Variants in TLL1 observed in about 807,000 individuals in gnomAD.
TLL1 encodes tolloid like 1.
Under a neutral mutation model 128.2 loss-of-function variants are expected in TLL1, and 49 were observed. That is an observed-to-expected ratio of 0.38 (90% CI 0.30 to 0.48). TLL1 has a LOEUF of 0.48. Ranked by LOEUF, TLL1 falls within the 20% of genes least tolerant of loss-of-function variation. The probability of loss-of-function intolerance (pLI) is 0.96; values close to 1 mark genes in which losing one functional copy is unlikely to be tolerated. For synonymous variants in TLL1, 454 were observed against 418.8 expected, an observed-to-expected ratio of 1.08 and a Z score of -1.03; for missense variants, 1,123 against 1,242.0, an observed-to-expected ratio of 0.90 and a Z score of 1.44.
chr4:166,061,932 A>C (rs1340287837), intron 15 of TLL1, among the ~76,000 whole-genome samples: 1 of 152,158 alleles, frequency 6.6e-6, no homozygotes, highest in Admixed American at 6.5e-5. Context: ...AGCTTTCTAC[A>C]TATGGCTAGC....
intron 1 of TLL1, among the ~76,000 whole-genome samples, chr4:165,895,414 GTGATTTTAAGGATAAATCT>G (rs1165401516): frequency 6.6e-6 from 1 of 151,952 alleles, no homozygotes; most frequent in Admixed American, 6.6e-5. Context: ...ATTAAAATAT[GTGATTTTAAGGATAAATCT>G]TTCAAAGTAT....
chr4:165,972,140 A>G (rs565787170), intron 1 of TLL1, among the ~76,000 whole-genome samples: 3 of 152,320 alleles, frequency 2.0e-5, no homozygotes, highest in Non-Finnish European at 4.4e-5. Context: ...TCATACTTAT[A>G]TATTTTATGA....
chr4:165,875,380 T>C (rs1730680379), intron 1 of TLL1, among the ~76,000 whole-genome samples: 1 of 152,220 alleles, frequency 6.6e-6, no homozygotes, highest in African/African-American at 2.4e-5. Context: ...AAAAAGGGTA[T>C]GTGTGTTGTG....
chr4:165,902,600 G>A (rs922109800), intron 1 of TLL1, among the ~76,000 whole-genome samples: 3 of 152,062 alleles, frequency 2.0e-5, no homozygotes, highest in Admixed American at 1.3e-4. Flanking sequence ...CTTGCCTTCC[G>A]TGGGCTGCAT....
chr4:166,082,019 GT>G (rs2111146402), intron 18 of TLL1, among the ~76,000 whole-genome samples: 1 of 152,194 alleles, frequency 6.6e-6, no homozygotes, highest in Non-Finnish European at 1.5e-5. Flanking sequence ...TTCAACAATG[GT>G]CATACCTGCT....
rs140171760 is a variant in TLL1, at chr4:165,910,602, A to G, written c.169+36529A>G. ...CAAGATGTGGGGCCCTTTTGTAACT[A>G]GTGTATAGAAGACAATCTTTGCACT... On this transcript the variant is annotated intron_variant, in intron 1 of 20. Transcript: ENST00000061240. 3.9e-5 allele frequency among the ~76,000 whole-genome samples: 6 copies of G among 152,280 alleles called. No homozygotes were observed. The East Asian group carries it at 7.7e-4, about 20-fold the overall frequency.
At chr4:166,064,086 C>T (rs551824746) in intron 15 of TLL1, among the ~76,000 whole-genome samples, 2 of 151,826 alleles carry the variant, frequency 1.3e-5, no homozygotes, top group East Asian at 3.9e-4. Context: ...TTCTTTTTAA[C>T]ATTATGTGTA....
At chr4:165,993,018 A>G (rs1289062536) in intron 3 of TLL1, 134 bp downstream of exon 3, 3 of 760,688 alleles carry the variant, frequency 3.9e-6, no homozygotes, top group Non-Finnish European at 6.7e-6. Context: ...AAAACTTTTT[A>G]TTTTGCTAGC....
At chr4:165,995,764 G>C (rs1454656035) in intron 5 of TLL1, among the ~76,000 whole-genome samples, 1 of 151,924 alleles carries the variant, frequency 6.6e-6, no homozygotes, top group East Asian at 1.9e-4. Flanking sequence ...TACAAATCTA[G>C]GCTATCCTTG....
intron 12 of TLL1, among the ~76,000 whole-genome samples, chr4:166,046,704 T>C (rs1739472317): frequency 6.6e-6 from 1 of 152,166 alleles, no homozygotes; most frequent in Non-Finnish European, 1.5e-5. Flanking sequence ...ATGGTGTATA[T>C]ATAGGGCTGT....
At position 166,100,857 on chromosome 4, in the gene TLL1, C is replaced by A. The variant is rs747818508; in HGVS notation, c.3023C>A (p.Thr1008Asn). 2 of 1,612,436 alleles carry A rather than the reference C, an allele frequency of 1.2e-6. No individual in the cohort carries two copies. Among genetic ancestry groups the A allele is most frequent in the Non-Finnish European group, 1.7e-6 (2 of 1,179,218 alleles). Reference protein sequence around the residue: ...IRYKSIRYPDTTHTKK With the variant: ...IRYKSIRYPDNTHTKK ...TACAAAAGCATAAGATATCCAGATA[C>A]CACACATACCAAAAAATAACACCAA... The change falls in exon 21 of 21, where the codon ACC becomes AAC. Residue 1008 changes from threonine to asparagine, a missense_variant. By Grantham distance (65) the Thr-to-Asn change is moderately conservative (BLOSUM62 0). This residue lies in a region of TLL1 where 634 missense variants were observed against 672.4 expected (regional missense o/e 0.94). Transcript: ENST00000061240.
At chr4:165,880,309 A>G (rs753607056) in intron 1 of TLL1, among the ~76,000 whole-genome samples, 3 of 152,228 alleles carry the variant, frequency 2.0e-5, no homozygotes, top group Non-Finnish European at 2.9e-5. Flanking sequence ...GCTCAACTAC[A>G]TATTTTGTAT....
intron 1 of TLL1, among the ~76,000 whole-genome samples, chr4:165,935,317 T>A (rs1733712327): frequency 6.6e-6 from 1 of 152,204 alleles, no homozygotes; most frequent in African/African-American, 2.4e-5. Context: ...AATGCTTAGT[T>A]ACCTTAGGAA....
intron 6 of TLL1, among the ~76,000 whole-genome samples, chr4:166,006,852 C>T (rs1216322868): frequency 6.6e-6 from 1 of 151,682 alleles, no homozygotes; most frequent in Non-Finnish European, 1.5e-5. Flanking sequence ...CAAGTGAATA[C>T]CCCACATTTC....
At chr4:165,909,212 G>A (rs12513380) in intron 1 of TLL1, among the ~76,000 whole-genome samples, 32,959 of 151,932 alleles carry the variant, frequency 0.22, 4,091 homozygotes, top group South Asian at 0.41. Flanking sequence ...AGAAAAGAAC[G>A]GCTCCAAAGT....
intron 19 of TLL1, among the ~76,000 whole-genome samples, chr4:166,093,809 C>T (rs999553132): frequency 3.5e-4 from 53 of 152,224 alleles, no homozygotes; most frequent in African/African-American, 1.2e-3. Flanking sequence ...TAGAGAATGG[C>T]GATGACTTTT....
At chr4:165,956,396 G>A (rs574518068) in intron 1 of TLL1, among the ~76,000 whole-genome samples, 1 of 152,130 alleles carries the variant, frequency 6.6e-6, no homozygotes, top group South Asian at 2.1e-4. Flanking sequence ...CATTCCCAGA[G>A]CGGCCGTTTA....
At chr4:165,977,893 G>GTA (rs1735964722) in intron 1 of TLL1, among the ~76,000 whole-genome samples, 2 of 152,066 alleles carry the variant, frequency 1.3e-5, no homozygotes, top group African/African-American at 4.8e-5. Flanking sequence ...ATACATTTCT[G>GTA]TATATATATG....
chr4:165,925,327 TCAA>T (rs1348446887), intron 1 of TLL1, among the ~76,000 whole-genome samples: 1 of 152,200 alleles, frequency 6.6e-6, no homozygotes, highest in Non-Finnish European at 1.5e-5. Context: ...GATCAAAATA[TCAA>T]CATTAACAGG....
Sources: allele counts gnomAD v4.1 joint callset (sites outside exome capture counted in the v4.1 genomes callset), GRCh38; gene constraint gnomAD v4.1.1; regional missense constraint gnomAD v4.1.1; transcripts MANE v1.5; gene names NCBI Gene and HGNC (gene_info 2026-07-23, HGNC 2026-07-21).